CACNA2D3: variants seen among roughly 807,000 people sequenced by gnomAD.
CACNA2D3 encodes the protein calcium voltage-gated channel auxiliary subunit alpha2delta 3, also known as voltage-dependent calcium channel subunit alpha-2/delta-3.
Under a neutral mutation model 160.6 loss-of-function variants are expected in CACNA2D3, and 60 were observed. The ratio of observed to expected loss-of-function variants is 0.37; its 90% CI spans 0.30 to 0.46. The LOEUF is 0.46. Among genes scored for constraint, CACNA2D3 ranks in the 20% least tolerant of loss-of-function variants. The probability of loss-of-function intolerance (pLI) is 1.00; values close to 1 mark genes in which losing one functional copy is unlikely to be tolerated. For missense variants in CACNA2D3, 1,205 were observed against 1,365.0 expected, an observed-to-expected ratio of 0.88 and a Z score of 1.85; for synonymous variants, 558 against 492.9, an observed-to-expected ratio of 1.13 and a Z score of -1.75.
At chr3:54,805,145 G>A (rs1575485014) in intron 13 of CACNA2D3, among the ~76,000 whole-genome samples, 1 of 152,104 alleles carries the variant, frequency 6.6e-6, no homozygotes, top group Admixed American at 6.5e-5. Context: ...AAAAGAACTG[G>A]AAAAGCAAGA....
chr3:54,345,733 CCTAACGTCAT>C (rs1698444896), intron 3 of CACNA2D3, among the ~76,000 whole-genome samples: 1 of 152,144 alleles, frequency 6.6e-6, no homozygotes, highest in Admixed American at 6.5e-5. Flanking sequence ...CACCTCTAAG[CCTAACGTCAT>C]CTCCACTGGC....
At chr3:54,997,223 C>G (rs542782626) in intron 31 of CACNA2D3, among the ~76,000 whole-genome samples, 1 of 152,210 alleles carries the variant, frequency 6.6e-6, no homozygotes, top group South Asian at 2.1e-4. Flanking sequence ...AAGCTACTTA[C>G]AGTTAAGGTG....
chr3:54,796,761 C>T (rs575061313), intron 13 of CACNA2D3, among the ~76,000 whole-genome samples: 1 of 152,268 alleles, frequency 6.6e-6, no homozygotes, highest in Non-Finnish European at 1.5e-5. Context: ...GAGACACAGA[C>T]TTCATGGATA....
chr3:54,580,486 TC>T (rs1702656675), intron 8 of CACNA2D3, among the ~76,000 whole-genome samples: 1 of 152,018 alleles, frequency 6.6e-6, no homozygotes, highest in Non-Finnish European at 1.5e-5. Flanking sequence ...AAGCACAAAC[TC>T]CCGAGGCCCT....
intron 35 of CACNA2D3, among the ~76,000 whole-genome samples, chr3:55,053,082 A>G (rs1265706896): frequency 1.3e-5 from 2 of 152,080 alleles, no homozygotes; most frequent in Non-Finnish European, 2.9e-5. Context: ...AACTATCACC[A>G]CAAACAAGTA....
At chr3:54,893,858 C>CG (rs1242906498) in intron 25 of CACNA2D3, among the ~76,000 whole-genome samples, 1 of 152,084 alleles carries the variant, frequency 6.6e-6, no homozygotes, top group African/African-American at 2.4e-5. Context: ...GCCTTCACAG[C>CG]GTACAGCCTT....
At chr3:54,283,065 C>T (rs895364254) in intron 2 of CACNA2D3, among the ~76,000 whole-genome samples, 1 of 152,192 alleles carries the variant, frequency 6.6e-6, no homozygotes, top group African/African-American at 2.4e-5. Flanking sequence ...ACTTTAAAAA[C>T]AAAGAAGGAG....
At chr3:54,239,943 AGT>A in intron 2 of CACNA2D3, among the ~76,000 whole-genome samples, 1 of 152,392 alleles carries the variant, frequency 6.6e-6, no homozygotes, top group African/African-American at 2.4e-5. Context: ...CACTTGGTAA[AGT>A]CTTGCTAAGT....
chr3:54,451,484 A>G (rs1368874591), intron 4 of CACNA2D3, among the ~76,000 whole-genome samples: 1 of 152,118 alleles, frequency 6.6e-6, no homozygotes, highest in Non-Finnish European at 1.5e-5. Flanking sequence ...TTAGACAGAA[A>G]GATTCTTCAC....
intron 10 of CACNA2D3, chr3:54,634,511 C>CA (rs1699318818): frequency 2.6e-5 from 4 of 152,176 alleles, no homozygotes; most frequent in Admixed American, 2.6e-4. Context: ...AAGAGACCAC[C>CA]AAACAGGCTT....
intron 5 of CACNA2D3, among the ~76,000 whole-genome samples, chr3:54,505,015 G>A (rs1045656408): frequency 6.6e-6 from 1 of 152,114 alleles, no homozygotes; most frequent in African/African-American, 2.4e-5. Context: ...ACTATTTAAG[G>A]GGCTTGGTCA....
At chr3:54,893,681 C>G (rs575765890) in intron 25 of CACNA2D3, among the ~76,000 whole-genome samples, 2 of 152,124 alleles carry the variant, frequency 1.3e-5, no homozygotes, top group African/African-American at 4.8e-5. Context: ...TTATCTCATA[C>G]TATCATCAGT....
intron 4 of CACNA2D3, among the ~76,000 whole-genome samples, chr3:54,460,246 T>C (rs1028412325): frequency 3.9e-5 from 6 of 152,116 alleles, no homozygotes; most frequent in Non-Finnish European, 8.8e-5. Flanking sequence ...AGGATTGACT[T>C]GGCGATGCAG....
At chr3:54,294,357 G>T (rs1703289422) in intron 2 of CACNA2D3, among the ~76,000 whole-genome samples, 1 of 152,172 alleles carries the variant, frequency 6.6e-6, no homozygotes, top group African/African-American at 2.4e-5. Flanking sequence ...GAGGGAACAG[G>T]TTCAGTTTAG....
chr3:54,718,538 A>G (rs780505831), intron 11 of CACNA2D3, among the ~76,000 whole-genome samples: 89 of 151,602 alleles, frequency 5.9e-4, no homozygotes, highest in Non-Finnish European at 1.2e-3. Flanking sequence ...ATGTTATGCT[A>G]TTGGTCTGTT....
At chr3:54,764,436 A>T (rs1258984214) in intron 13 of CACNA2D3, 85 bp downstream of exon 13, 2 of 1,501,910 alleles carry the variant, frequency 1.3e-6, no homozygotes, top group East Asian at 2.3e-5. Flanking sequence ...CAACTGTATC[A>T]CTCTTATTTT....
chr3:54,947,465 C>T (rs1196921323), intron 27 of CACNA2D3, among the ~76,000 whole-genome samples: 1 of 152,180 alleles, frequency 6.6e-6, no homozygotes, highest in African/African-American at 2.4e-5. Flanking sequence ...CAGGATAGGA[C>T]TTCTCAGGAG....
At chr3:54,547,523 G>A (rs767105574) in intron 5 of CACNA2D3, among the ~76,000 whole-genome samples, 12 of 152,000 alleles carry the variant, frequency 7.9e-5, no homozygotes, top group African/African-American at 2.4e-4. Context: ...ACACTCTCCC[G>A]TGGGTAGAGA....
intron 2 of CACNA2D3, among the ~76,000 whole-genome samples, chr3:54,220,457 A>G (rs1315049053): frequency 6.6e-6 from 1 of 152,226 alleles, no homozygotes; most frequent in African/African-American, 2.4e-5. Context: ...ATCAGCTTAG[A>G]AAACGAAGCC....
Sources: allele counts gnomAD v4.1 joint callset (sites outside exome capture counted in the v4.1 genomes callset), GRCh38; gene constraint gnomAD v4.1.1; transcripts MANE v1.5; gene names NCBI Gene and HGNC (gene_info 2026-07-23, HGNC 2026-07-21).